NELL1: variants seen among roughly 807,000 people sequenced by gnomAD.
The protein encoded by NELL1 is protein kinase C-binding protein NELL1.
In NELL1, 76 loss-of-function variants were observed where a neutral mutation model predicts 107.4. The observed-to-expected ratio is 0.71, with a 90% CI of 0.59 to 0.86. The LOEUF is 0.86. Among genes scored for constraint, NELL1 ranks in the 40% least tolerant of loss-of-function variants. The pLI, the probability that NELL1 is intolerant of heterozygous loss-of-function variation, is 0.00. For synonymous variants in NELL1, 353 were observed against 341.2 expected (o/e 1.03, Z -0.38); for missense variants, 1,024 against 1,005.5 (o/e 1.02, Z -0.25).
chr11:21,075,288 C>A (rs1854107881), intron 12 of NELL1, among the ~76,000 whole-genome samples: 1 of 152,014 alleles, frequency 6.6e-6, no homozygotes, highest in Admixed American at 6.6e-5. Flanking sequence ...TTGCACAGAC[C>A]CTTCTTCATA....
intron 11 of NELL1, among the ~76,000 whole-genome samples, chr11:20,951,491 A>G (rs1851067635): frequency 6.6e-6 from 1 of 152,170 alleles, no homozygotes; most frequent in South Asian, 2.1e-4. Flanking sequence ...TGTTCACTGT[A>G]TCAACAAACT....
At chr11:21,002,175 A>G (rs1217936853) in intron 12 of NELL1, among the ~76,000 whole-genome samples, 1 of 151,460 alleles carries the variant, frequency 6.6e-6, no homozygotes, top group Non-Finnish European at 1.5e-5. Context: ...GCCTCTCCAT[A>G]TATTTCACAG....
chr11:21,510,271 T>A (rs1855402581), intron 15 of NELL1, among the ~76,000 whole-genome samples: 1 of 152,236 alleles, frequency 6.6e-6, no homozygotes, highest in Non-Finnish European at 1.5e-5. Flanking sequence ...ATAGTGGCTG[T>A]ATTCAACAAA....
chr11:21,050,425 T>G (rs1004624697), intron 12 of NELL1, among the ~76,000 whole-genome samples: 2 of 152,146 alleles, frequency 1.3e-5, no homozygotes, highest in Non-Finnish European at 2.9e-5. Flanking sequence ...TTGGCTTTTT[T>G]TTTTGAAGGA....
At chr11:21,298,099 G>A (rs116494613) in intron 14 of NELL1, among the ~76,000 whole-genome samples, 2,307 of 151,962 alleles carry the variant, frequency 0.015, 59 homozygotes, top group African/African-American at 0.053. Context: ...AATCTATATG[G>A]AAAGATTTTC....
At position 20,934,062 on chromosome 11, in the gene NELL1, C is replaced by T. The variant is rs114597782; in HGVS notation, c.998-3724C>T. On this transcript the variant is annotated intron_variant, in intron 9 of 19. Transcript: ENST00000357134. ...TGGAGTCCCAAATGCCCCAGCCAAA[C>T]GCACCAGAGCCTGACTCACCTTATG... Among the ~76,000 whole-genome samples the T allele has an allele frequency of 4.7e-3, 712 of 152,134 alleles. 8 individuals are homozygous for T. The highest frequency in any genetic ancestry group is 0.016 in the African/African-American group (660 of 41,458).
intron 2 of NELL1, among the ~76,000 whole-genome samples, chr11:20,732,949 A>G (rs572923749): frequency 2.6e-5 from 4 of 152,206 alleles, no homozygotes; most frequent in Non-Finnish European, 5.9e-5. Flanking sequence ...CTACATTTAC[A>G]GAACTTACAT....
intron 14 of NELL1, among the ~76,000 whole-genome samples, chr11:21,325,009 T>C (rs1422778573): frequency 6.6e-6 from 1 of 152,072 alleles, no homozygotes; most frequent in Non-Finnish European, 1.5e-5. Flanking sequence ...TTGTATTTTA[T>C]TTTTTGCAAG....
At chr11:20,712,702 G>A (rs796948700) in intron 2 of NELL1, among the ~76,000 whole-genome samples, 14 of 152,278 alleles carry the variant, frequency 9.2e-5, no homozygotes, top group Non-Finnish European at 1.8e-4. Flanking sequence ...CTTTCACTAC[G>A]GATGGGGCTT....
chr11:21,067,770 C>T (rs543094991), intron 12 of NELL1, among the ~76,000 whole-genome samples: 6 of 152,072 alleles, frequency 3.9e-5, no homozygotes, highest in East Asian at 3.9e-4. Context: ...TGGTGGCTCA[C>T]GCCTGTAATC....
At chr11:20,734,166 TAGA>T (rs1855709748) in intron 2 of NELL1, among the ~76,000 whole-genome samples, 1 of 152,092 alleles carries the variant, frequency 6.6e-6, no homozygotes, top group African/African-American at 2.4e-5. Context: ...GAGGAAAATG[TAGA>T]AGATCATGGT....
At chr11:21,211,482 T>A (rs1247316208) in intron 13 of NELL1, among the ~76,000 whole-genome samples, 2 of 152,132 alleles carry the variant, frequency 1.3e-5, no homozygotes, top group Non-Finnish European at 2.9e-5. Context: ...TTAAGACCAA[T>A]GGGAAGTATC....
intron 4 of NELL1, among the ~76,000 whole-genome samples, chr11:20,880,502 G>A (rs969732313): frequency 1.3e-5 from 2 of 152,192 alleles, no homozygotes; most frequent in Non-Finnish European, 2.9e-5. Context: ...CATGCATTTA[G>A]TAGACTGCGG....
intron 14 of NELL1, among the ~76,000 whole-genome samples, chr11:21,282,028 A>G (rs1037612100): frequency 1.3e-5 from 2 of 152,216 alleles, no homozygotes; most frequent in Non-Finnish European, 2.9e-5. Context: ...GCTTCTTCAC[A>G]GCAAAGGAAA....
At chr11:21,322,923 T>C (rs952757792) in intron 14 of NELL1, among the ~76,000 whole-genome samples, 40 of 151,978 alleles carry the variant, frequency 2.6e-4, no homozygotes, top group Admixed American at 9.8e-4. Context: ...GACCCTCTGC[T>C]ATCCTTTAAG....
At position 20,860,605 on chromosome 11, in the gene NELL1, G is replaced by A. The variant is rs535677625; in HGVS notation, c.506+12852G>A. 2.0e-5 allele frequency among the ~76,000 whole-genome samples: 3 copies of A among 152,328 alleles called. No homozygotes were observed. The East Asian group carries it at 5.8e-4, about 29-fold the overall frequency. ...TGCTGTAACTTTCAGTGTGCTTTAT[G>A]AATATCAGGCACAAGGAAAGGTGAA... On this transcript the variant is annotated intron_variant, in intron 4 of 19. Coordinates refer to ENST00000357134, the MANE Select transcript of NELL1 (RefSeq NM_006157.5).
chr11:20,915,082 G>A (rs574639714), intron 5 of NELL1, among the ~76,000 whole-genome samples: 51 of 152,098 alleles, frequency 3.4e-4, no homozygotes, highest in African/African-American at 1.2e-3. Flanking sequence ...TACTACAATA[G>A]GAACTTCAGG....
chr11:21,040,443 A>G (rs1853202714), intron 12 of NELL1, among the ~76,000 whole-genome samples: 1 of 152,138 alleles, frequency 6.6e-6, no homozygotes, highest in Admixed American at 6.6e-5. Context: ...ATCGTGCATC[A>G]AAGCCTTGTA....
intron 13 of NELL1, among the ~76,000 whole-genome samples, chr11:21,147,861 A>AAAAAAAAAAAG (rs1856020150): frequency 6.8e-6 from 1 of 146,996 alleles, no homozygotes; most frequent in Non-Finnish European, 1.5e-5. Context: ...AAAAAAAAAA[A>AAAAAAAAAAAG]AAAAGAAAAG....
Sources: allele counts gnomAD v4.1 joint callset (sites outside exome capture counted in the v4.1 genomes callset), GRCh38; gene constraint gnomAD v4.1.1; transcripts MANE v1.5; gene names NCBI Gene and HGNC (gene_info 2026-07-23, HGNC 2026-07-21).